CRMP1: variants seen among roughly 807,000 people sequenced by gnomAD.
The protein encoded by CRMP1 is dihydropyrimidinase-related protein 1.
CRMP1 carries 19 observed loss-of-function variants against 68.3 expected under a neutral mutation model. The ratio of observed to expected loss-of-function variants is 0.28; its 90% confidence interval spans 0.19 to 0.41. The LOEUF is 0.41. Among genes scored for constraint, CRMP1 ranks in the 10% least tolerant of loss-of-function variants. CRMP1 has a pLI of 1.00. For synonymous variants in CRMP1, 439 were observed against 399.6 expected, an observed-to-expected ratio of 1.10 and a Z score of -1.18; for missense variants, 791 against 967.4, an observed-to-expected ratio of 0.82 and a Z score of 2.42.
rs1715818772 is a variant in CRMP1 at position 5,889,074 on chromosome 4, C to A, written c.381+3515G>T. Among the ~76,000 whole-genome samples the A allele has an allele frequency of 6.6e-6, 1 of 152,116 alleles. No homozygotes were observed. The highest frequency in any genetic ancestry group is 2.4e-5 in the African/African-American group (1 of 41,436). On this transcript the variant is annotated intron_variant, in intron 1 of 13. Coordinates refer to ENST00000324989, the MANE Select transcript of CRMP1 (RefSeq NM_001014809.3). The surrounding 1 kb of genome is among the most constrained non-coding windows in gnomAD (Gnocchi z 4.5). The stretch of plus-strand genomic sequence containing the variant: ...TACCCCAGACAAAAGCCTGTCCACT[C>A]CCCTAGACCCATCTCCAATGCCTTC...
chr4:5,875,715 G>T (rs1714764336), intron 1 of CRMP1, among the ~76,000 whole-genome samples: 1 of 142,916 alleles, frequency 7.0e-6, no homozygotes, highest in South Asian at 2.4e-4. Context: ...AACAGGTGGG[G>T]GTTGGTGCTG....
chr4:5,879,495 T>C lies in CRMP1; in HGVS notation c.382-12739A>G, dbSNP rs537307112. Among the ~76,000 whole-genome samples, 36 of 152,326 alleles carry C rather than the reference T, an allele frequency of 2.4e-4. No individual in the cohort carries two copies. The highest frequency in any genetic ancestry group is 7.7e-4 in the African/African-American group (32 of 41,574). On this transcript the variant is annotated intron_variant, in intron 1 of 13. Coordinates refer to ENST00000324989, the MANE Select transcript of CRMP1 (RefSeq NM_001014809.3). The surrounding 1 kb of genome is among the most constrained non-coding windows in gnomAD (Gnocchi z 4.2). The stretch of plus-strand genomic sequence containing the variant: ...CCAGAGATGGCAGCTTATTCCCACA[T>C]AGCTTCTTAGCGGGGTGATCTTTGG...
Position 5,843,382 on chromosome 4 carries a change from C to T in CRMP1, c.964-221G>A, listed in dbSNP as rs377167147. 4.6e-5 allele frequency among the ~76,000 whole-genome samples: 7 copies of T among 152,206 alleles called. No individual in the cohort carries two copies. In the South Asian group the frequency reaches 8.3e-4, roughly 18 times the overall value. ...GTAGCCCTGCATGGCTCCATCTGCA[C>T]CTGCTTTATATTGAATCTCCCGGGA... On this transcript the variant is annotated intron_variant, in intron 6 of 13. Coordinates refer to ENST00000324989, the MANE Select transcript of CRMP1 (RefSeq NM_001014809.3). The surrounding 1 kb of genome is among the most constrained non-coding windows in gnomAD (Gnocchi z 4.1).
rs1712869384 is a variant in CRMP1 at position 5,854,182 on chromosome 4, C to T, written c.820+1961G>A. Among the ~76,000 whole-genome samples, 1 of 152,200 alleles carries T rather than the reference C, an allele frequency of 6.6e-6. No individual in the cohort carries two copies. Among genetic ancestry groups the T allele is most frequent in the Admixed American group, 6.5e-5 (1 of 15,286 alleles). ...TAAGGAAAGTAAGATACAAGACTGT[C>T]AATTTCCTTGGATTATGACTCTGTT... On this transcript the variant is annotated intron_variant, in intron 4 of 13. Transcript: ENST00000324989. This position sits in a 1 kb window ranked among gnomAD's most constrained non-coding sequence, Gnocchi z 4.0.
chr4:5,866,798 C>A lies in CRMP1; in HGVS notation c.382-42G>T. On this transcript the variant is annotated intron_variant, in intron 1 of 13. Coordinates refer to ENST00000324989, the MANE Select transcript of CRMP1 (RefSeq NM_001014809.3). The surrounding 1 kb of genome is among the most constrained non-coding windows in gnomAD (Gnocchi z 5.9). ...AGTATTAAGGATCCTTGGTGAAAAGCCAGGATAAAGTTTTTTCTTTTTAAT... is the reference window on the plus strand; with the variant it reads ...AGTATTAAGGATCCTTGGTGAAAAGACAGGATAAAGTTTTTTCTTTTTAAT... 1.4e-6 allele frequency: 2 copies of A among 1,439,630 alleles called. No individual in the cohort carries two copies. The highest frequency in any genetic ancestry group is 9.5e-7 in the Non-Finnish European group (1 of 1,055,386). 89.2% of individuals were successfully genotyped at this position (1,439,630 alleles called of 1,614,324 possible). A position where few individuals can be genotyped will look rare whatever the true frequency, so the allele number is the denominator to read the frequency against.
Position 5,861,225 on chromosome 4 carries a change from CAG to C in CRMP1, c.471-17_471-16del. 6.2e-7 allele frequency: 1 copy of C among 1,609,932 alleles called. No individual in the cohort carries two copies. The highest frequency in any genetic ancestry group is 1.1e-5 in the South Asian group (1 of 90,562). ...CTCCTATTTGTCTGGAGGCAAACAA[CAG>C]AGACAGCCTTGGTTCTTAAAGGAAA... On this transcript the variant is annotated splice_polypyrimidine_tract_variant and intron_variant, in intron 2 of 13. Transcript: ENST00000324989. The surrounding 1 kb of genome is among the most constrained non-coding windows in gnomAD (Gnocchi z 6.0).
At chr4:5,873,006 C>G (rs935398964) in intron 1 of CRMP1, among the ~76,000 whole-genome samples, 4 of 152,200 alleles carry the variant, frequency 2.6e-5, no homozygotes, top group African/African-American at 9.6e-5. Context: ...GCTTACTCAG[C>G]CCAGGCCTGG....
intron 11 of CRMP1, among the ~76,000 whole-genome samples, chr4:5,830,717 C>T (rs1034708479): frequency 1.3e-5 from 2 of 152,172 alleles, no homozygotes; most frequent in African/African-American, 4.8e-5. Context: ...CTTTATGACA[C>T]GTTTTAATAA....
rs1429467059 is a variant in CRMP1 at position 5,858,702 on chromosome 4, C to G, written c.655+2324G>C. ...AACACAGAACAGTTCACATCTCTCC[C>G]TGCTTAAAATACCTCAACATTGCCC... On this transcript the variant is annotated intron_variant, in intron 3 of 13. Coordinates refer to ENST00000324989, the MANE Select transcript of CRMP1 (RefSeq NM_001014809.3). The surrounding 1 kb of genome is among the most constrained non-coding windows in gnomAD (Gnocchi z 5.5). 6.6e-6 allele frequency among the ~76,000 whole-genome samples: 1 copy of G among 152,178 alleles called. No homozygotes were observed. Among genetic ancestry groups the G allele is most frequent in the African/African-American group, 2.4e-5 (1 of 41,450 alleles).
In CRMP1 at chr4:5,873,982, C is replaced by T. The variant is rs553402432; in HGVS notation, c.382-7226G>A. ...TTTCCAAGCTAAGACATCACATGAG[C>T]GCTGGGTGGAAATGGAAGAAGGGGA... On this transcript the variant is annotated intron_variant, in intron 1 of 13. Transcript: ENST00000324989. Among the ~76,000 whole-genome samples the T allele has an allele frequency of 2.6e-5, 4 of 152,080 alleles. No homozygotes were observed. The South Asian group carries it at 6.2e-4, about 24-fold the overall frequency.
At chr4:5,851,745 G>C (rs1577789738) in intron 4 of CRMP1, among the ~76,000 whole-genome samples, 1 of 151,028 alleles carries the variant, frequency 6.6e-6, no homozygotes, top group African/African-American at 2.4e-5. Context: ...GGAGGAGGAG[G>C]AAGAGGAGAA....
At chr4:5,885,734 G>A (rs1168447645) in intron 1 of CRMP1, among the ~76,000 whole-genome samples, 1 of 152,144 alleles carries the variant, frequency 6.6e-6, no homozygotes, top group East Asian at 1.9e-4. Flanking sequence ...AACACTTCAG[G>A]CTGAAATGTC....
rs1248260581 is a variant in CRMP1, at chr4:5,859,868, G to A, written c.655+1158C>T. On this transcript the variant is annotated intron_variant, in intron 3 of 13. Coordinates refer to ENST00000324989, the MANE Select transcript of CRMP1 (RefSeq NM_001014809.3). The surrounding 1 kb of genome is among the most constrained non-coding windows in gnomAD (Gnocchi z 5.2). The stretch of plus-strand genomic sequence containing the variant: ...TCCTTTGTGAAGGAGCGGGAGAGAT[G>A]GGCAGGGTTGGGGCCAGCTTACAGA... 1.3e-5 allele frequency among the ~76,000 whole-genome samples: 2 copies of A among 152,210 alleles called. No individual in the cohort carries two copies. Among genetic ancestry groups the A allele is most frequent in the Non-Finnish European group, 2.9e-5 (2 of 68,030 alleles).
chr4:5,880,491 T>C (rs997123657), intron 1 of CRMP1, among the ~76,000 whole-genome samples: 6 of 152,178 alleles, frequency 3.9e-5, no homozygotes, highest in Non-Finnish European at 8.8e-5. Flanking sequence ...CAATGAGTCT[T>C]CCCATGGAAT....
chr4:5,841,417 C>T lies in CRMP1; in HGVS notation c.1044G>A (p.Glu348=), dbSNP rs758557874. The T allele has an allele frequency of 8.1e-6, 13 of 1,614,192 alleles. No homozygotes were observed. In the Admixed American group the frequency reaches 1.3e-4, roughly 17 times the overall value. Residue 348 remains glutamate, a synonymous_variant, in exon 8 of 14, where the codon GAG becomes GAA. Coordinates refer to ENST00000324989, the MANE Select transcript of CRMP1 (RefSeq NM_001014809.3). This position sits in a 1 kb window ranked among gnomAD's most constrained non-coding sequence, Gnocchi z 6.9. The part of the protein sequence containing the change: ...ALSRPEELEA[E]AVFRAITIAG... ...CAATGGTGATGGCCCGGAACACCGC[C>T]TCGGCCTCCAGCTGAACACGGCACA... is the stretch of plus-strand genomic sequence containing the variant.
intron 12 of CRMP1, 86 bp downstream of exon 12, chr4:5,828,403 T>C: frequency 6.6e-7 from 1 of 1,521,768 alleles, no homozygotes; most frequent in Non-Finnish European, 8.8e-7. Flanking sequence ...CATTATTAAC[T>C]CTGCACACGT....
rs1711540607 is a variant in CRMP1 at position 5,839,529 on chromosome 4, G to A, written c.1303C>T (p.Leu435=). ...PTTPDYLTSL[L]ACGDLQVTGS... ...CGTTCTCACAGGTCTCACCAGGCCA[G>A]TAGGGAGGTCAAGTAGTCGGGCGTG... The change falls in exon 9 of 14, where the codon CTG becomes TTG. Residue 435 remains leucine, a synonymous_variant. Coordinates refer to ENST00000324989, the MANE Select transcript of CRMP1 (RefSeq NM_001014809.3). 6.2e-7 allele frequency: 1 copy of A among 1,608,648 alleles called. No individual in the cohort carries two copies. The highest frequency in any genetic ancestry group is 1.3e-5 in the African/African-American group (1 of 74,886).
At position 5,888,601 on chromosome 4, in the gene CRMP1, G is replaced by T. The variant is rs929322315; in HGVS notation, c.381+3988C>A. The T allele has an allele frequency of 1.9e-6, 2 of 1,048,448 alleles. No individual in the cohort carries two copies. Among genetic ancestry groups the T allele is most frequent in the African/African-American group, 3.4e-5 (2 of 59,210 alleles). The allele number at this position is 1,048,448 out of a possible 1,614,324, so 64.9% of individuals were successfully genotyped here. A position where few individuals can be genotyped will look rare whatever the true frequency, so the allele number is the denominator to read the frequency against. On this transcript the variant is annotated intron_variant, in intron 1 of 13. Coordinates refer to ENST00000324989, the MANE Select transcript of CRMP1 (RefSeq NM_001014809.3). This position sits in a 1 kb window ranked among gnomAD's most constrained non-coding sequence, Gnocchi z 6.4. ...CCCCTCTCGGCTCGAACCAGGAAGCGCTTCCCTTCCGATCTCCCACCCCGC... is the reference window on the plus strand; with the variant it reads ...CCCCTCTCGGCTCGAACCAGGAAGCTCTTCCCTTCCGATCTCCCACCCCGC...
chr4:5,866,878 C>T lies in CRMP1; in HGVS notation c.382-122G>A, dbSNP rs570281349. The T allele has an allele frequency of 1.8e-5, 11 of 615,062 alleles. No homozygotes were observed. The highest frequency in any genetic ancestry group is 4.5e-4 in the Middle Eastern group (1 of 2,224). The allele number at this position is 615,062 out of a possible 1,614,324, so 38.1% of individuals were successfully genotyped here. ...AAAAGTAAAGGCATTTAACTTCCCC[C>T]GCCCCAGATCCATCACCAGCTTCAA... is the stretch of plus-strand genomic sequence containing the variant. On this transcript the variant is annotated intron_variant, in intron 1 of 13. Coordinates refer to ENST00000324989, the MANE Select transcript of CRMP1 (RefSeq NM_001014809.3). This position sits in a 1 kb window ranked among gnomAD's most constrained non-coding sequence, Gnocchi z 5.9.
Sources: gnomAD v4.1 joint callset for allele counts (sites outside exome capture counted in the v4.1 genomes callset) on GRCh38, gnomAD v4.1.1 for gene constraint, Gnocchi (gnomAD v3.1) non-coding constraint, MANE v1.5 for transcripts, NCBI Gene and HGNC (gene_info 2026-07-23, HGNC 2026-07-21) for gene names.